Variants in QRICH1 observed in about 807,000 individuals in gnomAD.
QRICH1 encodes the protein transcriptional regulator QRICH1.
Under a neutral mutation model 87.1 loss-of-function variants are expected in QRICH1, and 16 were observed. The observed-to-expected ratio is 0.18, with a 90% CI of 0.12 to 0.28. The LOEUF (loss-of-function observed/expected upper bound fraction) is 0.28. Among genes scored for constraint, QRICH1 ranks in the 10% least tolerant of loss-of-function variants. The pLI, the probability that QRICH1 is intolerant of heterozygous loss-of-function variation, is 1.00. For synonymous variants in QRICH1, 367 were observed against 368.4 expected, an observed-to-expected ratio of 1.00 and a Z score of 0.05; for missense variants, 647 against 951.7, an observed-to-expected ratio of 0.68 and a Z score of 4.21.
At chr3:49,046,694 G>C (rs2093341329) in intron 4 of QRICH1, 115 bp from the exon 5 acceptor site, 1 of 1,159,966 alleles carries the variant, frequency 8.6e-7, no homozygotes, top group South Asian at 1.5e-5. Flanking sequence ...GTATCTACTA[G>C]AATGTTTCAT....
intron 6 of QRICH1, among the ~76,000 whole-genome samples, chr3:49,038,042 T>C (rs1052565444): frequency 3.3e-5 from 5 of 152,184 alleles, no homozygotes; most frequent in Middle Eastern, 6.8e-3. Context: ...TTTATAAGAC[T>C]ATTAAAAATT....
At chr3:49,040,094 C>T (rs2093301371) in intron 6 of QRICH1, among the ~76,000 whole-genome samples, 1 of 152,082 alleles carries the variant, frequency 6.6e-6, no homozygotes, top group Non-Finnish European at 1.5e-5. Flanking sequence ...AAAAGATTTG[C>T]CATGGAAAAT....
chr3:49,070,484 G>A lies in QRICH1; in HGVS notation c.309+6225C>T, dbSNP rs141165245. On this transcript the variant is annotated intron_variant, in intron 2 of 9. Transcript: ENST00000395443. Reference sequence around the variant, plus strand: ...AGACAGGGTCTTGCACTTTTGCCCAGGATGGAGTGCAGTGGCGTGATCACA... The same window carrying A: ...AGACAGGGTCTTGCACTTTTGCCCAAGATGGAGTGCAGTGGCGTGATCACA... 6.5e-4 allele frequency among the ~76,000 whole-genome samples: 99 copies of A among 152,234 alleles called. 1 individual carries two copies. The highest frequency in any genetic ancestry group is 2.3e-3 in the African/African-American group (97 of 41,534).
chr3:49,085,395 G>C (rs946838431), intron 1 of QRICH1, among the ~76,000 whole-genome samples: 1 of 151,374 alleles, frequency 6.6e-6, no homozygotes, highest in African/African-American at 2.4e-5. Context: ...AGTGGTTATA[G>C]TGTAGTAATG....
Position 49,030,305 on chromosome 3 carries a change from C to CT in QRICH1, c.*146dup, listed in dbSNP as rs2093227004. The CT allele has an allele frequency of 1.3e-6, 1 of 773,556 alleles. No individual in the cohort carries two copies. The highest frequency in any genetic ancestry group is 2.0e-6 in the Non-Finnish European group (1 of 506,498). 47.9% of individuals were successfully genotyped at this position (773,556 alleles called of 1,614,324 possible). A position where few individuals can be genotyped will look rare whatever the true frequency, so the allele number is the denominator to read the frequency against. ...GAAGATGCAAAGGGGGCAAAGTTTT[C>CT]TTTTATATTTTAAACAGAAGCAGCC... On this transcript the variant is annotated 3_prime_UTR_variant, in exon 10 of 10. Coordinates refer to ENST00000395443, the MANE Select transcript of QRICH1 (RefSeq NM_198880.3).
chr3:49,084,591 C>G (rs1253045370), intron 1 of QRICH1, among the ~76,000 whole-genome samples: 1 of 152,002 alleles, frequency 6.6e-6, no homozygotes, highest in African/African-American at 2.4e-5. Flanking sequence ...TGGTGAAACC[C>G]CATCTCCACT....
At chr3:49,058,039 CG>C in intron 2 of QRICH1, 149 bp from the exon 3 acceptor site, 1 of 1,357,480 alleles carries the variant, frequency 7.4e-7, no homozygotes, top group Non-Finnish European at 1.0e-6. Context: ...GGACACAATA[CG>C]TAAGACTAGA....
intron 9 of QRICH1, among the ~76,000 whole-genome samples, chr3:49,030,991 CTTT>C (rs1162254467): frequency 1.5e-5 from 2 of 132,442 alleles, no homozygotes. Flanking sequence ...AGTCTTTGCG[CTTT>C]TTTTTTTTTT....
Position 49,030,609 on chromosome 3 carries a change from TA to T in QRICH1, c.2173del (p.Tyr725ThrfsTer2). The T allele has an allele frequency of 6.2e-7, 1 of 1,602,374 alleles. No individual in the cohort carries two copies. The highest frequency in any genetic ancestry group is 8.5e-7 in the Non-Finnish European group (1 of 1,173,706). ...QSVKGRNDTF[Y>X]LTPEPVVAPN... ...GGCCACCACTGGCTCAGGTGTCAGGTAAAAGGTGTCATTCCGGCCTTTCACA... is the reference window on the plus strand; with the variant it reads ...GGCCACCACTGGCTCAGGTGTCAGGTAAAGGTGTCATTCCGGCCTTTCACA... On this transcript the variant is annotated frameshift_variant, in exon 10 of 10. Coordinates refer to ENST00000395443, the MANE Select transcript of QRICH1 (RefSeq NM_198880.3). LOFTEE classifies it high-confidence loss of function.
intron 1 of QRICH1, among the ~76,000 whole-genome samples, chr3:49,086,638 T>C (rs1168518208): frequency 6.6e-6 from 1 of 152,144 alleles, no homozygotes; most frequent in East Asian, 1.9e-4. Context: ...TATTTTATTA[T>C]TAGAACATAA....
chr3:49,076,543 A>C (rs763914453), intron 2 of QRICH1, among the ~76,000 whole-genome samples, 166 bp downstream of exon 2: 1 of 152,156 alleles, frequency 6.6e-6, no homozygotes, highest in African/African-American at 2.4e-5. Flanking sequence ...AAAAAAGCTT[A>C]AAGAAAAAGG....
intron 6 of QRICH1, among the ~76,000 whole-genome samples, chr3:49,040,860 A>G (rs1398112411): frequency 6.6e-6 from 1 of 152,174 alleles, no homozygotes; most frequent in Non-Finnish European, 1.5e-5. Context: ...GTTACTCCCT[A>G]TCTGTGTCAG....
intron 7 of QRICH1, 41 bp from the exon 8 acceptor site, chr3:49,032,814 G>T: frequency 6.3e-7 from 1 of 1,579,774 alleles, no homozygotes; most frequent in South Asian, 1.2e-5. Context: ...GAGGGGTGCC[G>T]GGAGGATACC....
At chr3:49,066,832 G>A (rs2093471273) in intron 2 of QRICH1, among the ~76,000 whole-genome samples, 1 of 151,996 alleles carries the variant, frequency 6.6e-6, no homozygotes, top group Admixed American at 6.6e-5. Flanking sequence ...GAGGTAAGGA[G>A]TTCGAGACCA....
chr3:49,072,615 G>A (rs1187439178), intron 2 of QRICH1, among the ~76,000 whole-genome samples: 1 of 151,974 alleles, frequency 6.6e-6, no homozygotes, highest in African/African-American at 2.4e-5. Context: ...TTTAACTGAT[G>A]AACAAACTGG....
At chr3:49,069,573 A>G (rs2093489254) in intron 2 of QRICH1, among the ~76,000 whole-genome samples, 1 of 146,550 alleles carries the variant, frequency 6.8e-6, no homozygotes, top group South Asian at 2.2e-4. Context: ...TTTGAGATAA[A>G]GTATTCTCAA....
intron 3 of QRICH1, among the ~76,000 whole-genome samples, chr3:49,048,291 C>T (rs2093350142): frequency 6.6e-6 from 1 of 151,616 alleles, no homozygotes; most frequent in African/African-American, 2.4e-5. Context: ...TGCCACCACG[C>T]CCGGCTAATT....
intron 2 of QRICH1, among the ~76,000 whole-genome samples, chr3:49,074,923 G>T (rs556207946): frequency 1.3e-5 from 2 of 152,190 alleles, no homozygotes; most frequent in Admixed American, 6.5e-5. Flanking sequence ...AGCTTGCAGT[G>T]AGCTGAGATT....
chr3:49,089,527 A>C (rs990302074), intron 1 of QRICH1, among the ~76,000 whole-genome samples: 3 of 152,180 alleles, frequency 2.0e-5, no homozygotes, highest in Admixed American at 1.3e-4. Flanking sequence ...TTTTTAAACA[A>C]GGGTACTTAA....
Sources: allele counts gnomAD v4.1 joint callset (sites outside exome capture counted in the v4.1 genomes callset), GRCh38; gene constraint gnomAD v4.1.1; transcripts MANE v1.5; gene names NCBI Gene and HGNC (gene_info 2026-07-23, HGNC 2026-07-21).